Variants in AP1S1 observed in about 807,000 individuals in gnomAD.
AP1S1 encodes the protein adaptor related protein complex 1 subunit sigma 1.
Under a neutral mutation model 23.9 loss-of-function variants are expected in AP1S1, and 13 were observed. That is an observed-to-expected ratio of 0.54 (90% confidence interval 0.35 to 0.86). The LOEUF is 0.86. Among genes scored for constraint, AP1S1 ranks in the 40% least tolerant of loss-of-function variants. AP1S1 has a pLI of 0.01. For missense variants in AP1S1, 119 were observed against 197.6 expected, an observed-to-expected ratio of 0.60 and a Z score of 2.38; for synonymous variants, 84 against 77.7, an observed-to-expected ratio of 1.08 and a Z score of -0.43.
chr7:101,155,138 C>A (rs575539346), intron 1 of AP1S1: 2 of 620,658 alleles, frequency 3.2e-6, no homozygotes, highest in Non-Finnish European at 2.0e-6. Flanking sequence ...GAATCCAGGC[C>A]TTCCGTCTTC....
chr7:101,156,494 G>A, intron 1 of AP1S1, 100 bp from the exon 2 acceptor site: 1 of 1,371,828 alleles, frequency 7.3e-7, no homozygotes, highest in Non-Finnish European at 1.0e-6. Context: ...AGCCTTGAGA[G>A]CAAGGGGCTG....
In AP1S1 at chr7:101,160,543, C is replaced by T; in HGVS notation, c.454C>T (p.Leu152=). ...GGAGGATGAGTCGCCACGGAGTGTG[C>T]TGGAGGAGATGGGTTTGGCATAGCC... ...QEEDESPRSV[L]EEMGLA is the part of the protein sequence containing the mutation. Residue 152 remains leucine, a synonymous_variant, in exon 5 of 5, where the codon CTG becomes TTG. Coordinates refer to ENST00000337619, the MANE Select transcript of AP1S1 (RefSeq NM_001283.5). 1 of 1,612,148 alleles carries T rather than the reference C, an allele frequency of 6.2e-7. No homozygotes were observed.
At chr7:101,159,981 GGC>G (rs767772928) in intron 4 of AP1S1, among the ~76,000 whole-genome samples, 24,133 of 96,862 alleles carry the variant, frequency 0.25, 2,067 homozygotes, top group Non-Finnish European at 0.3. Context: ...CACACACCCT[GGC>G]GCGCACACAC....
rs1199610966 is a variant in AP1S1, at chr7:101,154,512, A to G, written c.-3A>G. On this transcript the variant is annotated 5_prime_UTR_variant, in exon 1 of 5. Coordinates refer to ENST00000337619, the MANE Select transcript of AP1S1 (RefSeq NM_001283.5). ...TGGGACGCGCCGAGCCGGAGGCTGC[A>G]GGATGGTAGGCTGTGCGAAGAGGGA... 4.5e-6 allele frequency: 7 copies of G among 1,552,536 alleles called. No homozygotes were observed. Among genetic ancestry groups the G allele is most frequent in the Non-Finnish European group, 5.2e-6 (6 of 1,147,352 alleles).
rs148305541 is a variant in AP1S1, at chr7:101,156,707, C to G, written c.117C>G (p.Val39=). ...TGGTGCGCGAGCTCATGCAGGTTGT[C>G]CTGGCTCGAAAGCCCAAGATGTGCA... The part of the protein sequence containing the change: ...KKMVRELMQV[V]LARKPKMCSF... The change falls in exon 2 of 5, where the codon GTC becomes GTG. Residue 39 remains valine (V), a synonymous_variant. Coordinates refer to ENST00000337619, the MANE Select transcript of AP1S1 (RefSeq NM_001283.5). The G allele has an allele frequency of 5.8e-3, 9,284 of 1,607,006 alleles. 73 individuals carry two copies. The highest frequency in any genetic ancestry group is 0.017 in the South Asian group (1,541 of 89,458).
intron 1 of AP1S1, chr7:101,155,084 C>G: frequency 2.1e-6 from 2 of 962,628 alleles, no homozygotes; most frequent in African/African-American, 1.8e-5. Flanking sequence ...GCTTTGGGAT[C>G]CCGGGCTCCG....
chr7:101,157,560 C>A, intron 3 of AP1S1, 75 bp downstream of exon 3: 1 of 1,153,330 alleles, frequency 8.7e-7, no homozygotes, highest in African/African-American at 1.5e-5. Flanking sequence ...GAGGCCCCTC[C>A]AGTCTCTGCC....
chr7:101,154,797 C>A, intron 1 of AP1S1: 1 of 784,658 alleles, frequency 1.3e-6, no homozygotes, highest in Non-Finnish European at 1.9e-6. Flanking sequence ...GTCTTGGCCC[C>A]TGGGGTCCCT....
Position 101,161,125 on chromosome 7 carries a change from G to T in AP1S1, c.*559G>T. On this transcript the variant is annotated 3_prime_UTR_variant, in exon 5 of 5. Coordinates refer to ENST00000337619, the MANE Select transcript of AP1S1 (RefSeq NM_001283.5). ...CCACTTTGAGGGAAGGAAGGGTTGG[G>T]GGAAGGGCAAGCTTTATGGGACCCT... 3.4e-6 allele frequency: 1 copy of T among 290,080 alleles called. No homozygotes were observed. Among genetic ancestry groups the T allele is most frequent in the Non-Finnish European group, 6.7e-6 (1 of 149,628 alleles). The allele number at this position is 290,080 out of a possible 1,614,324, so 18.0% of individuals were successfully genotyped here. A position where few individuals can be genotyped will look rare whatever the true frequency, so the allele number is the denominator to read the frequency against.
chr7:101,154,652 G>A (rs1172125570), intron 1 of AP1S1, 135 bp downstream of exon 1: 4 of 1,268,656 alleles, frequency 3.2e-6, no homozygotes, highest in Non-Finnish European at 4.2e-6. Flanking sequence ...TGCCTCGGCG[G>A]GTGGGCGAGC....
At chr7:101,158,493 G>T (rs1262008122) in intron 3 of AP1S1, among the ~76,000 whole-genome samples, 1 of 152,162 alleles carries the variant, frequency 6.6e-6, no homozygotes, top group African/African-American at 2.4e-5. Context: ...CACAGCCTTT[G>T]GTGGGAAGAA....
chr7:101,154,521 G>A lies in AP1S1; in HGVS notation c.3+4G>A. The A allele has an allele frequency of 6.4e-7, 1 of 1,571,440 alleles. No individual in the cohort carries two copies. On this transcript the variant is annotated splice_donor_region_variant and intron_variant, in intron 1 of 4. Transcript: ENST00000337619. ...CCGAGCCGGAGGCTGCAGGATGGTA[G>A]GCTGTGCGAAGAGGGAGGGGAGGGG...
chr7:101,155,208 T>C (rs895877689), intron 1 of AP1S1, among the ~76,000 whole-genome samples: 17 of 151,920 alleles, frequency 1.1e-4, no homozygotes, highest in African/African-American at 3.9e-4. Context: ...GCCCCTCTTT[T>C]CCCCTCCACC....
chr7:101,157,961 T>C (rs1345371255), intron 3 of AP1S1, among the ~76,000 whole-genome samples: 2 of 147,544 alleles, frequency 1.4e-5, no homozygotes, highest in East Asian at 2.0e-4. Flanking sequence ...AATTTTTGTA[T>C]TTTTTTTTTT....
intron 1 of AP1S1, chr7:101,155,127 G>A (rs1329273337): frequency 1.3e-6 from 1 of 749,716 alleles, no homozygotes; most frequent in Non-Finnish European, 1.6e-6. Flanking sequence ...TTCTCTTTCC[G>A]GAATCCAGGC....
chr7:101,159,295 A>G (rs1797046926), intron 4 of AP1S1, 99 bp downstream of exon 4: 2 of 1,502,026 alleles, frequency 1.3e-6, no homozygotes, highest in Non-Finnish European at 1.8e-6. Flanking sequence ...ACCGTCGCCA[A>G]GGAGCCCCCC....
At chr7:101,156,470 T>G (rs1796992487) in intron 1 of AP1S1, 124 bp from the exon 2 acceptor site, 2 of 1,158,076 alleles carry the variant, frequency 1.7e-6, no homozygotes, top group Non-Finnish European at 2.4e-6. Context: ...TTCCCCCTGC[T>G]GGTGGAAACA....
At chr7:101,160,468 G>A in intron 4 of AP1S1, 51 bp from the exon 5 acceptor site, 2 of 1,599,936 alleles carry the variant, frequency 1.3e-6, no homozygotes, top group South Asian at 1.1e-5. Context: ...TGCCCACCCT[G>A]TCGGCCTCTC....
intron 1 of AP1S1, 108 bp from the exon 2 acceptor site, chr7:101,156,486 C>A (rs767553274): frequency 3.0e-6 from 4 of 1,329,926 alleles, no homozygotes; most frequent in East Asian, 5.2e-5. Flanking sequence ...AAACACCCAG[C>A]CTTGAGAGCA....
Sources: allele counts gnomAD v4.1 joint callset (sites outside exome capture counted in the v4.1 genomes callset), GRCh38; gene constraint gnomAD v4.1.1; transcripts MANE v1.5; gene names NCBI Gene and HGNC (gene_info 2026-07-23, HGNC 2026-07-21).